The following HNRNPDL variants were observed in gnomAD, a reference collection of about 807,000 sequenced individuals.
HNRNPDL encodes heterogeneous nuclear ribonucleoprotein D-like.
HNRNPDL carries 18 observed loss-of-function variants against 48.0 expected under a neutral mutation model. The ratio of observed to expected loss-of-function variants is 0.38; its 90% CI spans 0.26 to 0.56. HNRNPDL has a LOEUF of 0.56. Among genes scored for constraint, HNRNPDL ranks in the 20% least tolerant of loss-of-function variants. HNRNPDL has a pLI of 0.77. For synonymous variants in HNRNPDL, 306 were observed against 207.3 expected (o/e 1.48, Z -4.09); for missense variants, 553 against 540.7 (o/e 1.02, Z -0.23).
In HNRNPDL at chr4:82,426,020, T is replaced by C. The variant is rs1721391704; in HGVS notation, c.*22+17A>G. On this transcript the variant is annotated intron_variant, in intron 7 of 7. Coordinates refer to ENST00000295470, the MANE Select transcript of HNRNPDL (RefSeq NM_031372.4). ...AAATTAGACATTTCTACTGTTTTCC[T>C]GTACTCTTATACACACCTGTTTTCT... The C allele has an allele frequency of 6.9e-7, 1 of 1,444,708 alleles. No individual in the cohort carries two copies. The highest frequency in any genetic ancestry group is 9.7e-7 in the Non-Finnish European group (1 of 1,027,216). 89.5% of individuals were successfully genotyped at this position (1,444,708 alleles called of 1,614,324 possible).
At chr4:82,425,997 A>AT in intron 7 of HNRNPDL, 40 bp downstream of exon 7, 1 of 1,246,564 alleles carries the variant, frequency 8.0e-7, no homozygotes, top group Non-Finnish European at 1.2e-6. Context: ...TTTAAATTAA[A>AT]TTAGACATTT....
Position 82,427,573 on chromosome 4 carries a change from G to T in HNRNPDL, c.775-9C>A. On this transcript the variant is annotated splice_polypyrimidine_tract_variant and intron_variant, in intron 3 of 7. Transcript: ENST00000295470. ...AGTTCAATATTTTCAATCTGAAATC[G>T]AGATGCACACTCAACGTCATCCCAT... 2 of 1,606,522 alleles carry T rather than the reference G, an allele frequency of 1.2e-6. No individual in the cohort carries two copies. Among genetic ancestry groups the T allele is most frequent in the South Asian group, 2.3e-5 (2 of 88,874 alleles).
Position 82,429,435 on chromosome 4 carries a change from A to G in HNRNPDL, c.256T>C (p.Phe86Leu), listed in dbSNP as rs1179527704. 11 of 1,611,628 alleles carry G rather than the reference A, an allele frequency of 6.8e-6. No individual in the cohort carries two copies. In the Admixed American group the frequency reaches 1.7e-4, roughly 24 times the overall value. Residue 86 changes from phenylalanine to leucine, a missense_variant, in exon 1 of 8, where the codon TTC becomes CTC. By Grantham distance (22) the Phe-to-Leu change is conservative (BLOSUM62 0). Coordinates refer to ENST00000295470, the MANE Select transcript of HNRNPDL (RefSeq NM_031372.4). ...KGGRRRRPDL[F>L]RRHFKSSSIQ... is the part of the protein sequence containing the mutation. ...GAGCTGGATTTAAAATGGCGGCGGAAGAGATCCGGGCGCCGCCTGCGCCCT... is the reference window on the plus strand; with the variant it reads ...GAGCTGGATTTAAAATGGCGGCGGAGGAGATCCGGGCGCCGCCTGCGCCCT...
chr4:82,427,572 C>G lies in HNRNPDL; in HGVS notation c.775-8G>C. 6.2e-7 allele frequency: 1 copy of G among 1,606,928 alleles called. No individual in the cohort carries two copies. The highest frequency in any genetic ancestry group is 1.1e-5 in the South Asian group (1 of 88,968). The stretch of plus-strand genomic sequence containing the variant: ...AAGTTCAATATTTTCAATCTGAAAT[C>G]GAGATGCACACTCAACGTCATCCCA... On this transcript the variant is annotated splice_region_variant and splice_polypyrimidine_tract_variant and intron_variant, in intron 3 of 7. Transcript: ENST00000295470.
chr4:82,426,240 A>G, intron 6 of HNRNPDL, 111 bp from the exon 7 acceptor site: 6 of 1,050,892 alleles, frequency 5.7e-6, no homozygotes, highest in Middle Eastern at 2.2e-4. Flanking sequence ...AAGTATTAAG[A>G]TATTTTAGCA....
Position 82,427,526 on chromosome 4 carries a change from A to T in HNRNPDL, c.813T>A (p.Asn271Lys). The T allele has an allele frequency of 6.2e-7, 1 of 1,608,182 alleles. No individual in the cohort carries two copies. Among genetic ancestry groups the T allele is most frequent in the Non-Finnish European group, 8.5e-7 (1 of 1,177,806 alleles). The stretch of plus-strand genomic sequence containing the variant: ...TGATAAAACAAAATCCTCTTCTTTC[A>T]TTTGTTTTTGTATCCATGGGAAGTT... ...NIELPMDTKT[N>K]ERRGFCFITY... is the part of the protein sequence containing the mutation. The change falls in exon 4 of 8, where the codon AAT becomes AAA. Residue 271 changes from asparagine (N) to lysine (K), a missense_variant. Around this residue, in one of 4 missense-constraint regions of HNRNPDL, gnomAD observed 174 missense variants for 204.6 expected, o/e 0.85. Coordinates refer to ENST00000295470, the MANE Select transcript of HNRNPDL (RefSeq NM_031372.4).
chr4:82,427,678 T>A, intron 3 of HNRNPDL, 114 bp from the exon 4 acceptor site: 1 of 923,840 alleles, frequency 1.1e-6, no homozygotes, highest in Non-Finnish European at 1.7e-6. Flanking sequence ...ATCGGGTGAC[T>A]TCTATACAGA....
Position 82,429,567 on chromosome 4 carries a change from G to A in HNRNPDL, c.124C>T (p.Leu42Phe), listed in dbSNP as rs200018272. Residue 42 changes from leucine (L) to phenylalanine (F), a missense_variant, in exon 1 of 8, where the codon CTC becomes TTC. Physicochemically the swap from Leu to Phe is conservative, Grantham distance 22. Around this residue, in one of 4 missense-constraint regions of HNRNPDL, gnomAD observed 327 missense variants for 203.2 expected, o/e 1.61. Transcript: ENST00000295470. ...PRPPRQLAPL[L>F]PSLAPSSARQ... is the part of the protein sequence containing the mutation. ...GCGGAGCTGGGAGCGAGCGAAGGGA[G>A]GAGCGGGGCTAGCTGCCGCGGCGGC... 7,544 of 1,422,348 alleles carry A rather than the reference G, an allele frequency of 5.3e-3. 25 individuals are homozygous for A. The highest frequency in any genetic ancestry group is 5.8e-3 in the Non-Finnish European group (6,369 of 1,093,232). The allele number at this position is 1,422,348 out of a possible 1,614,324, so 88.1% of individuals were successfully genotyped here.
chr4:82,424,958 G>A (rs569016976), intron 7 of HNRNPDL, 75 bp from the exon 8 acceptor site: 1 of 152,222 alleles, frequency 6.6e-6, no homozygotes, highest in Non-Finnish European at 1.5e-5. Context: ...TTCATGAATT[G>A]TTTTAAGTCC....
rs369035855 is a variant in HNRNPDL, at chr4:82,427,184, T to C, written c.1021+6A>G. The C allele has an allele frequency of 1.2e-5, 19 of 1,568,142 alleles. No homozygotes were observed. Among genetic ancestry groups the C allele is most frequent in the East Asian group, 6.7e-5 (3 of 44,690 alleles). On this transcript the variant is annotated splice_donor_region_variant and intron_variant, in intron 5 of 7. Coordinates refer to ENST00000295470, the MANE Select transcript of HNRNPDL (RefSeq NM_031372.4). ...ACGGAGTCATATTTCAAGAATTAAG[T>C]CTCACCTCGGCCACGACCCCTCGTA...
chr4:82,423,724 G>A lies in HNRNPDL; in HGVS notation c.*1182C>T, dbSNP rs1188031130. On this transcript the variant is annotated 3_prime_UTR_variant, in exon 8 of 8. Transcript: ENST00000295470. ...TATTATTCCAGGTCCTCTGAAACCT[G>A]GATATAAAACGGATTCTTTTCAATG... The A allele has an allele frequency of 2.0e-5, 3 of 152,156 alleles. No individual in the cohort carries two copies. Among genetic ancestry groups the A allele is most frequent in the Admixed American group, 6.5e-5 (1 of 15,278 alleles). 9.4% of individuals were successfully genotyped at this position (152,156 alleles called of 1,614,324 possible).
chr4:82,426,342 TCAAA>T (rs1721406333), intron 6 of HNRNPDL, 117 bp downstream of exon 6: 14 of 954,972 alleles, frequency 1.5e-5, no homozygotes, highest in East Asian at 2.5e-5. Flanking sequence ...GTAACATGCC[TCAAA>T]CACTTAACTC....
At chr4:82,427,697 C>T in intron 3 of HNRNPDL, 133 bp from the exon 4 acceptor site, 1 of 787,230 alleles carries the variant, frequency 1.3e-6, no homozygotes, top group Non-Finnish European at 2.1e-6. Flanking sequence ...GACATCACTG[C>T]TTTATGATCA....
chr4:82,429,109 C>G, intron 1 of HNRNPDL, 139 bp downstream of exon 1: 1 of 765,926 alleles, frequency 1.3e-6, no homozygotes, highest in Non-Finnish European at 2.2e-6. Context: ...CTTTCCTCTT[C>G]CCTCCAATCT....
intron 5 of HNRNPDL, 136 bp from the exon 6 acceptor site, chr4:82,426,769 C>CT: frequency 1.4e-6 from 1 of 717,444 alleles, no homozygotes; most frequent in Non-Finnish European, 2.3e-6. Context: ...GCTTGAAAAA[C>CT]TATTTTTCCA....
chr4:82,423,026 T>C lies in HNRNPDL; in HGVS notation c.*1880A>G, dbSNP rs1278466587. 1 of 151,842 alleles carries C rather than the reference T, an allele frequency of 6.6e-6. No homozygotes were observed. Among genetic ancestry groups the C allele is most frequent in the Non-Finnish European group, 1.5e-5 (1 of 67,948 alleles). The allele number at this position is 151,842 out of a possible 1,614,324, so 9.4% of individuals were successfully genotyped here. ...TTCAAATTTGCATCAGTTGGTGAAC[T>C]GATAGACCCTGAAATCTGAATTAAA... is the stretch of plus-strand genomic sequence containing the variant. On this transcript the variant is annotated 3_prime_UTR_variant, in exon 8 of 8. Coordinates refer to ENST00000295470, the MANE Select transcript of HNRNPDL (RefSeq NM_031372.4).
chr4:82,427,443 C>G lies in HNRNPDL; in HGVS notation c.896G>C (p.Gly299Ala). Residue 299 changes from glycine (G) to alanine (A), a missense_variant, in exon 4 of 8, where the codon GGT becomes GCT. Around this residue, in one of 4 missense-constraint regions of HNRNPDL, gnomAD observed 174 missense variants for 204.6 expected, o/e 0.85. Coordinates refer to ENST00000295470, the MANE Select transcript of HNRNPDL (RefSeq NM_031372.4). ...CTTAAATGGCTTTACCTTCCCAGAACCAATTTGATGGTATCTGCTTTCTAA... is the reference window on the plus strand; with the variant it reads ...CTTAAATGGCTTTACCTTCCCAGAAGCAATTTGATGGTATCTGCTTTCTAA... ...KLLESRYHQI[G>A]SGKCEIKVAQ... 3 of 1,602,630 alleles carry G rather than the reference C, an allele frequency of 1.9e-6. No homozygotes were observed. The highest frequency in any genetic ancestry group is 2.5e-6 in the Non-Finnish European group (3 of 1,176,998).
At position 82,424,637 on chromosome 4, in the gene HNRNPDL, G is replaced by A. The variant is rs1184796604; in HGVS notation, c.*269C>T. 2 of 152,592 alleles carry A rather than the reference G, an allele frequency of 1.3e-5. No homozygotes were observed. Among genetic ancestry groups the A allele is most frequent in the Non-Finnish European group, 2.9e-5 (2 of 68,030 alleles). 9.5% of individuals were successfully genotyped at this position (152,592 alleles called of 1,614,324 possible). On this transcript the variant is annotated 3_prime_UTR_variant, in exon 8 of 8. Coordinates refer to ENST00000295470, the MANE Select transcript of HNRNPDL (RefSeq NM_031372.4). ...TGACGCAGAAAAGCAATCACATAAG[G>A]AAGCATTTATTTGAGGTTTAACATG...
chr4:82,429,233 A>G lies in HNRNPDL; in HGVS notation c.443+15T>C, dbSNP rs779936262. The G allele has an allele frequency of 3.7e-6, 6 of 1,611,300 alleles. No individual in the cohort carries two copies. Among genetic ancestry groups the G allele is most frequent in the African/African-American group, 1.3e-5 (1 of 74,878 alleles). On this transcript the variant is annotated intron_variant, in intron 1 of 7. Coordinates refer to ENST00000295470, the MANE Select transcript of HNRNPDL (RefSeq NM_031372.4). ...GCGCTGGGGGAGGGGGAGCGGGGGAAGAAGCGTGCGGTACCCGTCATCCTG... is the reference window on the plus strand; with the variant it reads ...GCGCTGGGGGAGGGGGAGCGGGGGAGGAAGCGTGCGGTACCCGTCATCCTG...
Sources: allele counts gnomAD v4.1 joint callset, GRCh38; gene constraint gnomAD v4.1.1; regional missense constraint gnomAD v4.1.1; transcripts MANE v1.5; gene names NCBI Gene and HGNC (gene_info 2026-07-23, HGNC 2026-07-21).